DZIP1: variants seen among roughly 807,000 people sequenced by gnomAD.
DZIP1 encodes cilium assembly protein DZIP1.
A neutral mutation model predicts 107.6 loss-of-function variants in DZIP1; 97 were observed. The ratio of observed to expected loss-of-function variants is 0.90; its 90% CI spans 0.77 to 1.07. DZIP1 has a LOEUF of 1.07. DZIP1 is among the 50% of genes least tolerant of loss of function. The pLI, the probability that DZIP1 is intolerant of heterozygous loss-of-function variation, is 0.00. For synonymous variants in DZIP1, 390 were observed against 386.4 expected, an observed-to-expected ratio of 1.01 and a Z score of -0.11; for missense variants, 1,035 against 1,063.6, an observed-to-expected ratio of 0.97 and a Z score of 0.37.
chr13:95,608,621 T>C (rs2044866396), intron 13 of DZIP1, among the ~76,000 whole-genome samples: 1 of 152,200 alleles, frequency 6.6e-6, no homozygotes, highest in African/African-American at 2.4e-5. Context: ...CTCTCAACCC[T>C]ACTCTGGGCA....
At chr13:95,599,470 A>G in intron 14 of DZIP1, 46 bp from the exon 15 acceptor site, 1 of 1,441,240 alleles carries the variant, frequency 6.9e-7, no homozygotes, top group Non-Finnish European at 9.8e-7. Flanking sequence ...GACAACAGCA[A>G]AGTTACATTA....
At chr13:95,589,243 T>C in intron 18 of DZIP1, 36 bp from the exon 19 acceptor site, 3 of 1,451,150 alleles carry the variant, frequency 2.1e-6, no homozygotes, top group Non-Finnish European at 2.9e-6. Context: ...TTAAATTGCA[T>C]AAGTTAATAA....
intron 5 of DZIP1, 49 bp from the exon 6 acceptor site, chr13:95,633,370 C>G: frequency 6.6e-7 from 1 of 1,515,598 alleles, no homozygotes; most frequent in Non-Finnish European, 9.2e-7. Flanking sequence ...GACTGTCGTC[C>G]CACTTAATTG....
Position 95,642,049 on chromosome 13 carries a change from T to C in DZIP1, c.-20A>G. ...TTGCATAGGAGGAGCCGGGCGGTCT[T>C]TACCCAGCCTGGGCCGCCTCCCGGG... is the stretch of plus-strand genomic sequence containing the variant. On this transcript the variant is annotated 5_prime_UTR_variant, in exon 4 of 23. Coordinates refer to ENST00000376829, the MANE Select transcript of DZIP1 (RefSeq NM_198968.4). 10 of 1,551,982 alleles carry C rather than the reference T, an allele frequency of 6.4e-6. No individual in the cohort carries two copies. Among genetic ancestry groups the C allele is most frequent in the Non-Finnish European group, 8.7e-6 (10 of 1,156,060 alleles).
At chr13:95,621,049 T>C (rs1360493213) in intron 9 of DZIP1, among the ~76,000 whole-genome samples, 2 of 152,162 alleles carry the variant, frequency 1.3e-5, no homozygotes, top group Non-Finnish European at 2.9e-5. Context: ...AGAATCCACA[T>C]ATAATGTGTA....
chr13:95,605,543 CAT>C (rs1315636960), intron 14 of DZIP1, among the ~76,000 whole-genome samples: 2 of 152,352 alleles, frequency 1.3e-5, no homozygotes, highest in East Asian at 3.9e-4. Flanking sequence ...GTTTCCATCA[CAT>C]GTCTTTTCTA....
rs982125400 is a variant in DZIP1 at position 95,586,952 on chromosome 13, C to G, written c.2218+587G>C. ...AGCCATTCTCATAGTCACCCAGTGT[C>G]CTGGGTTGACTTGTGTCCCTCTAAA... On this transcript the variant is annotated intron_variant, in intron 20 of 22. Transcript: ENST00000376829. 4.2e-4 allele frequency among the ~76,000 whole-genome samples: 64 copies of G among 152,162 alleles called. 1 individual carries two copies. The highest frequency in any genetic ancestry group is 8.8e-5 in the Non-Finnish European group (6 of 68,028).
In DZIP1 at chr13:95,580,455, C is replaced by G. The variant is rs1280208041; in HGVS notation, c.*1779G>C. ...GTTTACTTAGCAAAAGTTCATTTCC[C>G]CAAGCTCTTCTGCTCAGGAATGAAA... On this transcript the variant is annotated 3_prime_UTR_variant, in exon 23 of 23. Coordinates refer to ENST00000376829, the MANE Select transcript of DZIP1 (RefSeq NM_198968.4). 2.6e-5 allele frequency: 4 copies of G among 152,050 alleles called. No individual in the cohort carries two copies. Among genetic ancestry groups the G allele is most frequent in the Admixed American group, 6.6e-5 (1 of 15,246 alleles). 9.4% of individuals were successfully genotyped at this position (152,050 alleles called of 1,614,324 possible). A position where few individuals can be genotyped will look rare whatever the true frequency, so the allele number is the denominator to read the frequency against.
At chr13:95,632,109 A>G (rs1877264892) in intron 6 of DZIP1, among the ~76,000 whole-genome samples, 1 of 152,042 alleles carries the variant, frequency 6.6e-6, no homozygotes, top group South Asian at 2.1e-4. Context: ...CTGAGCTCCT[A>G]GCATTGGGAA....
At chr13:95,611,357 A>G (rs1206200549) in intron 12 of DZIP1, 88 bp downstream of exon 12, 1 of 994,390 alleles carries the variant, frequency 1.0e-6, no homozygotes, top group African/African-American at 1.6e-5. Flanking sequence ...CTTAGCACAC[A>G]TAAACAAGTG....
chr13:95,584,254 C>T (rs2044087860), intron 22 of DZIP1, among the ~76,000 whole-genome samples: 3 of 144,908 alleles, frequency 2.1e-5, no homozygotes, highest in South Asian at 2.2e-4. Flanking sequence ...GGATTACAGG[C>T]GTGAGCCACT....
chr13:95,622,587 T>C (rs1876020900), intron 8 of DZIP1, 107 bp from the exon 9 acceptor site: 1 of 1,334,936 alleles, frequency 7.5e-7, no homozygotes. Context: ...GACTGCCCTC[T>C]TGGACGCTCC....
intron 19 of DZIP1, 48 bp downstream of exon 19, chr13:95,589,106 A>G: frequency 6.9e-7 from 1 of 1,441,176 alleles, no homozygotes; most frequent in Non-Finnish European, 9.7e-7. Context: ...AGGAATGTTC[A>G]GTGAAAATAA....
Position 95,641,172 on chromosome 13 carries a change from C to G in DZIP1, c.597+123G>C. On this transcript the variant is annotated intron_variant, in intron 5 of 22. Coordinates refer to ENST00000376829, the MANE Select transcript of DZIP1 (RefSeq NM_198968.4). This position sits in a 1 kb window ranked among gnomAD's most constrained non-coding sequence, Gnocchi z 4.3. ...AAATGACTGTTTTTGCTTAAATATA[C>G]TGTGTCTTCTGATATACAATATAAA... The G allele has an allele frequency of 7.3e-7, 1 of 1,361,976 alleles. No homozygotes were observed. Among genetic ancestry groups the G allele is most frequent in the Non-Finnish European group, 9.8e-7 (1 of 1,018,710 alleles). 84.4% of individuals were successfully genotyped at this position (1,361,976 alleles called of 1,614,324 possible).
At chr13:95,610,836 G>A (rs906372210) in intron 12 of DZIP1, among the ~76,000 whole-genome samples, 6 of 152,132 alleles carry the variant, frequency 3.9e-5, no homozygotes, top group South Asian at 2.1e-4. Context: ...AAAAAGATGC[G>A]TTTGACCCAA....
intron 5 of DZIP1, 147 bp from the exon 6 acceptor site, chr13:95,633,468 A>G: frequency 1.5e-6 from 1 of 649,286 alleles, no homozygotes; most frequent in East Asian, 2.8e-5. Context: ...AGATCACCCA[A>G]GGTTAGAAGT....
In DZIP1 at chr13:95,641,198, T is replaced by C. The variant is rs759413405; in HGVS notation, c.597+97A>G. 4 of 1,480,808 alleles carry C rather than the reference T, an allele frequency of 2.7e-6. No individual in the cohort carries two copies. The highest frequency in any genetic ancestry group is 2.7e-6 in the Non-Finnish European group (3 of 1,105,946). 91.7% of individuals were successfully genotyped at this position (1,480,808 alleles called of 1,614,324 possible). ...TGTGTCTTCTGATATACAATATAAATCTTTAAGAAGAAAGAGTGGTGATAC... is the reference window on the plus strand; with the variant it reads ...TGTGTCTTCTGATATACAATATAAACCTTTAAGAAGAAAGAGTGGTGATAC... On this transcript the variant is annotated intron_variant, in intron 5 of 22. Transcript: ENST00000376829. The surrounding 1 kb of genome is among the most constrained non-coding windows in gnomAD (Gnocchi z 4.3).
At chr13:95,604,203 G>C (rs571653185) in intron 14 of DZIP1, among the ~76,000 whole-genome samples, 1 of 152,332 alleles carries the variant, frequency 6.6e-6, no homozygotes, top group East Asian at 1.9e-4. Context: ...TTTCCCAGGG[G>C]ACCCGACCTA....
chr13:95,615,409 G>A (rs1874926270), intron 10 of DZIP1, among the ~76,000 whole-genome samples: 1 of 152,212 alleles, frequency 6.6e-6, no homozygotes, highest in Admixed American at 6.5e-5. Flanking sequence ...TGAAGAATAA[G>A]AGTAGGGATT....
Sources: gnomAD v4.1 joint callset for allele counts (sites outside exome capture counted in the v4.1 genomes callset) on GRCh38, gnomAD v4.1.1 for gene constraint, Gnocchi (gnomAD v3.1) non-coding constraint, MANE v1.5 for transcripts, NCBI Gene and HGNC (gene_info 2026-07-23, HGNC 2026-07-21) for gene names.